UBE2Q2: variants seen among roughly 807,000 people sequenced by gnomAD.
The protein encoded by UBE2Q2 is ubiquitin conjugating enzyme E2 Q2, also known as ubiquitin-conjugating enzyme E2 Q2.
UBE2Q2 carries 54 observed loss-of-function variants against 59.9 expected under a neutral mutation model. That is an observed-to-expected ratio of 0.90 (90% CI 0.72 to 1.13). The LOEUF is 1.13. Among genes scored for constraint, UBE2Q2 ranks in the 50% most tolerant of loss-of-function variants. UBE2Q2 has a pLI of 0.00. For missense variants in UBE2Q2, 433 were observed against 441.9 expected (o/e 0.98, Z 0.18); for synonymous variants, 165 against 155.2 (o/e 1.06, Z -0.47).
chr15:75,854,995 G>A (rs1010850615), intron 2 of UBE2Q2, among the ~76,000 whole-genome samples: 96 of 152,086 alleles, frequency 6.3e-4, no homozygotes, highest in African/African-American at 2.3e-3. Flanking sequence ...TCATGAGCAA[G>A]CATTATTGAG....
At position 75,899,597 on chromosome 15, in the gene UBE2Q2, T is replaced by C; in HGVS notation, c.*139T>C. The C allele has an allele frequency of 1.6e-6, 1 of 633,964 alleles. No individual in the cohort carries two copies. Among genetic ancestry groups the C allele is most frequent in the Non-Finnish European group, 2.6e-6 (1 of 387,298 alleles). The allele number at this position is 633,964 out of a possible 1,614,324, so 39.3% of individuals were successfully genotyped here. A position where few individuals can be genotyped will look rare whatever the true frequency, so the allele number is the denominator to read the frequency against. On this transcript the variant is annotated 3_prime_UTR_variant, in exon 13 of 13. Coordinates refer to ENST00000267938, the MANE Select transcript of UBE2Q2 (RefSeq NM_173469.4). ...AGATATTTTAGTGGATAATCTGTCA[T>C]CTGACATCCAGTATAAGTTACAGCC...
At chr15:75,877,691 T>C (rs1205640326) in intron 6 of UBE2Q2, among the ~76,000 whole-genome samples, 3 of 152,232 alleles carry the variant, frequency 2.0e-5, no homozygotes. Context: ...TAAGTACATA[T>C]GATTTTGCAT....
rs1454420541 is a variant in UBE2Q2, at chr15:75,843,484, C to T, written c.-183C>T. On this transcript the variant is annotated 5_prime_UTR_variant, in exon 1 of 13. Coordinates refer to ENST00000267938, the MANE Select transcript of UBE2Q2 (RefSeq NM_173469.4). ...TACAAAGGAAGCGCCACCCAGGCCG[C>T]CACACGCCGAGGCTTCCGCGCCCCT... The T allele has an allele frequency of 7.0e-6, 2 of 284,120 alleles. No homozygotes were observed. Among genetic ancestry groups the T allele is most frequent in the Admixed American group, 1.1e-4 (2 of 18,322 alleles). 17.6% of individuals were successfully genotyped at this position (284,120 alleles called of 1,614,324 possible).
chr15:75,890,129 C>A (rs1273555408), intron 9 of UBE2Q2, among the ~76,000 whole-genome samples: 6 of 152,224 alleles, frequency 3.9e-5, no homozygotes, highest in Non-Finnish European at 8.8e-5. Flanking sequence ...ACTGATTCTT[C>A]TGCCCCTATT....
chr15:75,887,062 T>C (rs1898819809), intron 9 of UBE2Q2, among the ~76,000 whole-genome samples: 1 of 152,162 alleles, frequency 6.6e-6, no homozygotes, highest in African/African-American at 2.4e-5. Context: ...AATTGATTCT[T>C]TTTTGCCACA....
chr15:75,868,836 TG>T, intron 3 of UBE2Q2, 114 bp from the exon 4 acceptor site: 1 of 768,292 alleles, frequency 1.3e-6, no homozygotes, highest in Non-Finnish European at 2.2e-6. Flanking sequence ...ATAAACTGTC[TG>T]GTAGTGGGAC....
intron 1 of UBE2Q2, among the ~76,000 whole-genome samples, chr15:75,845,876 A>C (rs1446714071): frequency 6.6e-6 from 1 of 152,192 alleles, no homozygotes; most frequent in Non-Finnish European, 1.5e-5. Flanking sequence ...TGGCAACAGA[A>C]ATGGAGCAAG....
At chr15:75,891,048 G>C in intron 11 of UBE2Q2, 34 bp downstream of exon 11, 1 of 1,505,910 alleles carries the variant, frequency 6.6e-7, no homozygotes, top group Non-Finnish European at 9.2e-7. Context: ...TAAACCATAA[G>C]ATACATTTTA....
intron 9 of UBE2Q2, among the ~76,000 whole-genome samples, chr15:75,886,184 A>G (rs1045524809): frequency 1.1e-4 from 17 of 151,908 alleles, no homozygotes; most frequent in African/African-American, 3.4e-4. Context: ...CAGTGGCGCA[A>G]TCTTGGCTCA....
chr15:75,873,188 T>G (rs1029300790), intron 4 of UBE2Q2, among the ~76,000 whole-genome samples: 3 of 152,226 alleles, frequency 2.0e-5, no homozygotes, highest in Non-Finnish European at 2.9e-5. Context: ...GTAATAGTTA[T>G]GATTTTGTAA....
intron 3 of UBE2Q2, among the ~76,000 whole-genome samples, chr15:75,861,912 GA>G (rs564168734): frequency 8.5e-5 from 13 of 152,200 alleles, no homozygotes; most frequent in Non-Finnish European, 1.8e-4. Flanking sequence ...AGCTGCAGTG[GA>G]ATGTCTGAGA....
At position 75,876,258 on chromosome 15, in the gene UBE2Q2, G is replaced by A; in HGVS notation, c.660G>A (p.Gln220=). 1 of 1,613,658 alleles carries A rather than the reference G, an allele frequency of 6.2e-7. No individual in the cohort carries two copies. The highest frequency in any genetic ancestry group is 8.5e-7 in the Non-Finnish European group (1 of 1,179,720). The part of the protein sequence containing the change: ...MKELRDIYRS[Q]SYKTGIYSVE... ...AGCTCAGGGACATATACAGATCACA[G>A]AGTTATAAAACAGGTAAGGATCTCT... Residue 220 remains glutamine, a synonymous_variant, in exon 6 of 13, where the codon CAG becomes CAA. Transcript: ENST00000267938.
rs116202155 is a variant in UBE2Q2 at position 75,893,071 on chromosome 15, A to T, written c.1029+2057A>T. Among the ~76,000 whole-genome samples the T allele has an allele frequency of 2.0e-3, 300 of 152,268 alleles. 2 individuals carry two copies. Among genetic ancestry groups the T allele is most frequent in the African/African-American group, 6.6e-3 (275 of 41,554 alleles). The stretch of plus-strand genomic sequence containing the variant: ...AAATATGTCTTAGTGGAATCCCAGG[A>T]GGAGATATTAGAATTACACTAGAAA... On this transcript the variant is annotated intron_variant, in intron 11 of 12. Coordinates refer to ENST00000267938, the MANE Select transcript of UBE2Q2 (RefSeq NM_173469.4).
At chr15:75,870,905 A>ACTCT (rs1362185053) in intron 4 of UBE2Q2, among the ~76,000 whole-genome samples, 1 of 152,210 alleles carries the variant, frequency 6.6e-6, no homozygotes, top group Non-Finnish European at 1.5e-5. Context: ...GTTAGGTGGA[A>ACTCT]CGAGAGACTT....
chr15:75,849,873 T>G (rs1896543804), intron 1 of UBE2Q2, among the ~76,000 whole-genome samples: 2 of 152,210 alleles, frequency 1.3e-5, no homozygotes, highest in Admixed American at 6.5e-5. Flanking sequence ...GAATTTGTAT[T>G]GGGATTTTTG....
At chr15:75,846,073 G>A (rs1017765023) in intron 1 of UBE2Q2, among the ~76,000 whole-genome samples, 1 of 152,180 alleles carries the variant, frequency 6.6e-6, no homozygotes, top group African/African-American at 2.4e-5. Flanking sequence ...ATCATCAAAT[G>A]TACAAAAGTT....
chr15:75,843,819 G>A lies in UBE2Q2; in HGVS notation c.153G>A (p.Pro51=), dbSNP rs144146450. The A allele has an allele frequency of 1.9e-6, 3 of 1,600,010 alleles. No homozygotes were observed. Among genetic ancestry groups the A allele is most frequent in the Non-Finnish European group, 2.6e-6 (3 of 1,174,912 alleles). ...AGGGCAGCCCGCACTCGCTGCCGCC[G>A]CCACTCACGCTCCACTGCAACATCA... ...PQQGSPHSLP[P]PLTLHCNITE... The change falls in exon 1 of 13, where the codon CCG becomes CCA. Residue 51 remains proline, a synonymous_variant. Coordinates refer to ENST00000267938, the MANE Select transcript of UBE2Q2 (RefSeq NM_173469.4).
At chr15:75,891,207 TTAA>T (rs1166084175) in intron 11 of UBE2Q2, among the ~76,000 whole-genome samples, 193 bp downstream of exon 11, 1 of 152,230 alleles carries the variant, frequency 6.6e-6, no homozygotes, top group Non-Finnish European at 1.5e-5. Flanking sequence ...TGATAATCAC[TTAA>T]TGATTTCGTA....
intron 2 of UBE2Q2, among the ~76,000 whole-genome samples, chr15:75,856,269 G>GTGTGTATATATATATATATATA (rs1256142539): frequency 5.7e-5 from 8 of 139,272 alleles, no homozygotes; most frequent in African/African-American, 2.2e-4. Context: ...GTGTGTGTGT[G>GTGTGTATATATATATATATATA]TATATATATA....
Sources: gnomAD v4.1 joint callset for allele counts (sites outside exome capture counted in the v4.1 genomes callset) on GRCh38, gnomAD v4.1.1 for gene constraint, MANE v1.5 for transcripts, NCBI Gene and HGNC (gene_info 2026-07-23, HGNC 2026-07-21) for gene names.